The following LGSN variants were observed in gnomAD, a reference collection of about 807,000 sequenced individuals.
LGSN encodes the protein lengsin, lens protein with glutamine synthetase domain.
A neutral mutation model predicts 19.5 loss-of-function variants in LGSN; 21 were observed. The ratio of observed to expected loss-of-function variants is 1.07; its 90% CI spans 0.76 to 1.55. The LOEUF is 1.55. Ranked by LOEUF, LGSN falls within the 40% of genes most tolerant of loss-of-function variation. LGSN has a pLI of 0.00. For missense variants in LGSN, 673 were observed against 608.5 expected (o/e 1.11, Z -1.12); for synonymous variants, 257 against 215.6 (o/e 1.19, Z -1.68).
At chr6:63,423,180 CT>C in the LGSN span, among the ~76,000 whole-genome samples, 6 of 152,016 alleles carry the variant, frequency 3.9e-5, no homozygotes, top group African/African-American at 1.4e-4. Context: ...GATCCTGTCT[CT>C]ACAAAAAATA....
chr6:63,298,560 C>T (rs1229844439), intron 1 of LGSN, among the ~76,000 whole-genome samples: 1 of 152,036 alleles, frequency 6.6e-6, no homozygotes, highest in East Asian at 1.9e-4. Context: ...CTTAGTTGAT[C>T]AAGATGTGAG....
chr6:63,403,042 C>A, the LGSN span, among the ~76,000 whole-genome samples: 1 of 151,056 alleles, frequency 6.6e-6, no homozygotes, highest in African/African-American at 2.4e-5. Flanking sequence ...ATCACATGAG[C>A]CAATTCCTTA....
At chr6:63,339,147 G>A in the LGSN span, among the ~76,000 whole-genome samples, 3 of 152,120 alleles carry the variant, frequency 2.0e-5, no homozygotes, top group African/African-American at 7.2e-5. Context: ...TGTGTATTTT[G>A]TAACTGTTAG....
At chr6:63,456,959 A>G in the LGSN span, among the ~76,000 whole-genome samples, 1 of 152,138 alleles carries the variant, frequency 6.6e-6, no homozygotes, top group African/African-American at 2.4e-5. Flanking sequence ...ACCTCTACCC[A>G]TTTCATTGTA....
chr6:63,543,810 C>T, the LGSN span, among the ~76,000 whole-genome samples: 1 of 152,214 alleles, frequency 6.6e-6, no homozygotes, highest in Non-Finnish European at 1.5e-5. Flanking sequence ...CAACTTTCTA[C>T]CCAGCTCACA....
At chr6:63,470,476 C>CAAA in the LGSN span, among the ~76,000 whole-genome samples, 7 of 139,210 alleles carry the variant, frequency 5.0e-5, no homozygotes, top group African/African-American at 8.0e-5. Flanking sequence ...TGTCTCAATT[C>CAAA]AAAAAAAAAA....
At chr6:63,434,840 C>T in the LGSN span, among the ~76,000 whole-genome samples, 9 of 152,014 alleles carry the variant, frequency 5.9e-5, no homozygotes, top group Admixed American at 1.3e-4. Flanking sequence ...AGGAAAACAG[C>T]GCACAGTGAA....
chr6:63,423,068 C>A, the LGSN span, among the ~76,000 whole-genome samples: 1 of 152,162 alleles, frequency 6.6e-6, no homozygotes, highest in Non-Finnish European at 1.5e-5. Flanking sequence ...AGGCTTCAAT[C>A]AGGTACAGTG....
chr6:63,308,795 T>C (rs1463526961), intron 1 of LGSN, among the ~76,000 whole-genome samples: 1 of 152,140 alleles, frequency 6.6e-6, no homozygotes, highest in Non-Finnish European at 1.5e-5. Flanking sequence ...GGATCGATAA[T>C]TATCAAACTT....
At chr6:63,481,118 G>GA in the LGSN span, among the ~76,000 whole-genome samples, 1 of 151,704 alleles carries the variant, frequency 6.6e-6, no homozygotes, top group Non-Finnish European at 1.5e-5. Flanking sequence ...ACTCAGGAGT[G>GA]AAAAACCAAA....
the LGSN span, chr6:63,528,164 T>C: frequency 1.3e-5 from 2 of 152,144 alleles, no homozygotes; most frequent in Non-Finnish European, 2.9e-5. Flanking sequence ...CTCCTACATA[T>C]ATTGGTTCAT....
chr6:63,432,171 A>AAG, the LGSN span, among the ~76,000 whole-genome samples: 36 of 93,976 alleles, frequency 3.8e-4, 2 homozygotes, highest in African/African-American at 1.2e-3. Flanking sequence ...GAAAGAAAGA[A>AAG]AAGGAAAGAA....
At chr6:63,477,640 A>C in the LGSN span, among the ~76,000 whole-genome samples, 1 of 77,818 alleles carries the variant, frequency 1.3e-5, no homozygotes, top group Non-Finnish European at 3.0e-5. Flanking sequence ...TTTGGTTTTC[A>C]TCCTTTTTTT....
the LGSN span, among the ~76,000 whole-genome samples, chr6:63,332,659 C>T: frequency 6.6e-6 from 1 of 152,124 alleles, no homozygotes; most frequent in Non-Finnish European, 1.5e-5. Flanking sequence ...TTCCACTGGC[C>T]GACAGGTGCC....
chr6:63,348,205 A>G, the LGSN span, among the ~76,000 whole-genome samples: 5 of 152,146 alleles, frequency 3.3e-5, no homozygotes, highest in Admixed American at 1.3e-4. Flanking sequence ...ATATAAAAGT[A>G]TGGACTGGGA....
chr6:63,342,771 T>C, the LGSN span, among the ~76,000 whole-genome samples: 1 of 152,238 alleles, frequency 6.6e-6, no homozygotes, highest in Non-Finnish European at 1.5e-5. Context: ...ATCAGAACCA[T>C]GCACTGAAAC....
the LGSN span, among the ~76,000 whole-genome samples, chr6:63,327,083 T>C: frequency 6.6e-6 from 1 of 152,330 alleles, no homozygotes; most frequent in South Asian, 2.1e-4. Flanking sequence ...CTCTAGCTAC[T>C]TCCTGCTGGA....
intron 1 of LGSN, among the ~76,000 whole-genome samples, chr6:63,315,196 A>G (rs1768791420): frequency 6.6e-6 from 1 of 152,192 alleles, no homozygotes; most frequent in South Asian, 2.1e-4. Context: ...ATTATAACCA[A>G]GACCTACCAT....
the LGSN span, among the ~76,000 whole-genome samples, chr6:63,390,248 GC>G: frequency 6.9e-6 from 1 of 145,972 alleles, no homozygotes; most frequent in East Asian, 2.1e-4. Flanking sequence ...TTGTGCCTCA[GC>G]CTCCCAAGTA....
Sources: gnomAD v4.1 joint callset for allele counts (sites outside exome capture counted in the v4.1 genomes callset) on GRCh38, gnomAD v4.1.1 for gene constraint, MANE v1.5 for transcripts, NCBI Gene and HGNC (gene_info 2026-07-23, HGNC 2026-07-21) for gene names.